MDGA2: variants seen among roughly 807,000 people sequenced by gnomAD.
MDGA2 encodes MAM domain-containing glycosylphosphatidylinositol anchor protein 2.
In MDGA2, 40 loss-of-function variants were observed where a neutral mutation model predicts 117.8. The observed-to-expected ratio is 0.34, with a 90% CI of 0.26 to 0.44. The LOEUF (loss-of-function observed/expected upper bound fraction) is 0.44, where lower values mean the gene tolerates loss of function less well. MDGA2 is among the 20% of genes least tolerant of loss of function. The pLI, the probability that MDGA2 is intolerant of heterozygous loss-of-function variation, is 1.00. For synonymous variants in MDGA2, 452 were observed against 439.0 expected, an observed-to-expected ratio of 1.03 and a Z score of -0.37; for missense variants, 1,123 against 1,250.6, an observed-to-expected ratio of 0.90 and a Z score of 1.54.
chr14:46,981,699 G>T (rs1443684100), intron 8 of MDGA2, among the ~76,000 whole-genome samples: 1 of 152,160 alleles, frequency 6.6e-6, no homozygotes, highest in Non-Finnish European at 1.5e-5. Context: ...AGTGATCCAG[G>T]TTATCATGAC....
chr14:46,872,168 C>A (rs188280368), intron 14 of MDGA2, among the ~76,000 whole-genome samples: 1 of 151,780 alleles, frequency 6.6e-6, no homozygotes, highest in African/African-American at 2.4e-5. Flanking sequence ...TGGACAGTGA[C>A]GTTCACTTTT....
intron 10 of MDGA2, among the ~76,000 whole-genome samples, chr14:46,898,698 G>A (rs1883174010): frequency 1.3e-5 from 2 of 152,032 alleles, no homozygotes; most frequent in African/African-American, 2.4e-5. Context: ...CCAAAGAAAG[G>A]GAGTTAGGAA....
At position 47,301,513 on chromosome 14, in the gene MDGA2, G is replaced by A; in HGVS notation, c.318C>T (p.Ala106=). 2 of 1,551,680 alleles carry A rather than the reference G, an allele frequency of 1.3e-6. No individual in the cohort carries two copies. Among genetic ancestry groups the A allele is most frequent in the South Asian group, 1.2e-5 (1 of 84,056 alleles). ...PTVRIVHSGL[A]CNIEEERYSE... ...AGTAGCGCTCCTCTTCAATGTTACA[G>A]GCCAAGCCTGAGTGCACAATACGAA... The change falls in exon 2 of 17, where the codon GCC becomes GCT. Residue 106 remains alanine, a synonymous_variant. Coordinates refer to ENST00000399232, the MANE Select transcript of MDGA2 (RefSeq NM_001113498.3).
intron 1 of MDGA2, among the ~76,000 whole-genome samples, chr14:47,507,495 G>C (rs1477296162): frequency 6.6e-6 from 1 of 152,052 alleles, no homozygotes; most frequent in Non-Finnish European, 1.5e-5. Flanking sequence ...GAAAAGGAGA[G>C]AGAACAAGAT....
chr14:47,240,849 G>A (rs1040478162), intron 2 of MDGA2, among the ~76,000 whole-genome samples: 9 of 151,832 alleles, frequency 5.9e-5, no homozygotes, highest in Admixed American at 5.9e-4. Context: ...ATACCTCTAA[G>A]GAGGGTGTCA....
intron 1 of MDGA2, among the ~76,000 whole-genome samples, 178 bp from the exon 2 acceptor site, chr14:47,301,728 A>C (rs1889291947): frequency 6.6e-6 from 1 of 152,214 alleles, no homozygotes; most frequent in Non-Finnish European, 1.5e-5. Context: ...AGAAATCTTC[A>C]AATTTATCTA....
At chr14:47,670,344 G>A (rs551402703) in intron 1 of MDGA2, among the ~76,000 whole-genome samples, 8 of 152,282 alleles carry the variant, frequency 5.3e-5, no homozygotes, top group Middle Eastern at 6.8e-3. Context: ...CTGTGCTGAT[G>A]CATTCATAAT....
At chr14:47,516,624 T>C (rs576213424) in intron 1 of MDGA2, among the ~76,000 whole-genome samples, 3 of 152,264 alleles carry the variant, frequency 2.0e-5, no homozygotes, top group Admixed American at 2.0e-4. Flanking sequence ...CCAGAAGAAA[T>C]GCTAATCTTC....
At chr14:46,930,885 G>T (rs377522744) in intron 9 of MDGA2, among the ~76,000 whole-genome samples, 1 of 151,966 alleles carries the variant, frequency 6.6e-6, no homozygotes, top group African/African-American at 2.4e-5. Context: ...GATCTGAAAG[G>T]AAATCAATTG....
chr14:47,666,704 C>A, intron 1 of MDGA2, among the ~76,000 whole-genome samples: 1 of 152,174 alleles, frequency 6.6e-6, no homozygotes, highest in East Asian at 1.9e-4. Flanking sequence ...AGTGGCAACC[C>A]GCTTGGGTCC....
intron 9 of MDGA2, among the ~76,000 whole-genome samples, chr14:46,941,917 T>G (rs908165252): frequency 7.2e-5 from 11 of 152,218 alleles, no homozygotes; most frequent in Non-Finnish European, 8.8e-5. Flanking sequence ...CCCTACACCC[T>G]AGCTTGTTCG....
chr14:47,284,327 T>C (rs1042555980), intron 2 of MDGA2, among the ~76,000 whole-genome samples: 5 of 152,264 alleles, frequency 3.3e-5, no homozygotes, highest in Admixed American at 3.3e-4. Flanking sequence ...AATATTAATA[T>C]GGCTAAAGAA....
At chr14:46,995,214 C>T (rs1275573452) in intron 8 of MDGA2, among the ~76,000 whole-genome samples, 1 of 152,046 alleles carries the variant, frequency 6.6e-6, no homozygotes, top group Non-Finnish European at 1.5e-5. Context: ...TACTAAATTA[C>T]TATTACTGGC....
At chr14:47,062,502 T>C (rs78167788) in intron 6 of MDGA2, among the ~76,000 whole-genome samples, 1 of 112,152 alleles carries the variant, frequency 8.9e-6, no homozygotes, top group Non-Finnish European at 2.1e-5. Flanking sequence ...GATTTTTCTT[T>C]TTTTTTTTTT....
chr14:47,566,178 A>G (rs1895915345), intron 1 of MDGA2, among the ~76,000 whole-genome samples: 1 of 152,176 alleles, frequency 6.6e-6, no homozygotes, highest in South Asian at 2.1e-4. Context: ...TGGAAGAAGG[A>G]CATGTGTAGG....
At chr14:47,344,298 T>C (rs1465027130) in intron 1 of MDGA2, among the ~76,000 whole-genome samples, 1 of 152,116 alleles carries the variant, frequency 6.6e-6, no homozygotes, top group Non-Finnish European at 1.5e-5. Flanking sequence ...CTGGCCAGGG[T>C]GGGGCCTACT....
At chr14:47,613,123 A>G (rs1350051401) in intron 1 of MDGA2, among the ~76,000 whole-genome samples, 1 of 152,036 alleles carries the variant, frequency 6.6e-6, no homozygotes. Context: ...TTTCATACCA[A>G]CTCTGAAGTA....
chr14:47,274,484 C>G (rs961550118), intron 2 of MDGA2, among the ~76,000 whole-genome samples: 1 of 152,014 alleles, frequency 6.6e-6, no homozygotes, highest in Non-Finnish European at 1.5e-5. Flanking sequence ...CATCAACTGA[C>G]GGATATTTGG....
At chr14:46,878,444 C>T (rs1208220216) in intron 11 of MDGA2, among the ~76,000 whole-genome samples, 2 of 151,990 alleles carry the variant, frequency 1.3e-5, no homozygotes, top group African/African-American at 2.4e-5. Flanking sequence ...TTGTCATTTT[C>T]TTAGTGGTTG....
Sources: allele counts gnomAD v4.1 joint callset (sites outside exome capture counted in the v4.1 genomes callset), GRCh38; gene constraint gnomAD v4.1.1; transcripts MANE v1.5; gene names NCBI Gene and HGNC (gene_info 2026-07-23, HGNC 2026-07-21).